Variants in CHLSN observed in about 807,000 individuals in gnomAD.
The protein encoded by CHLSN is protein cholesin.
the CHLSN span, among the ~76,000 whole-genome samples, chr7:1,101,937 G>A: frequency 6.6e-6 from 1 of 152,264 alleles, no homozygotes; most frequent in Admixed American, 6.5e-5. Context: ...TCAAGAGGCA[G>A]CGGCCAGGCC....
chr7:1,012,110 T>C, the CHLSN span, among the ~76,000 whole-genome samples: 1 of 152,240 alleles, frequency 6.6e-6, no homozygotes, highest in Non-Finnish European at 1.5e-5. Flanking sequence ...AAAACCCTCC[T>C]GGCACAGGCC....
chr7:1,087,889 A>G, the CHLSN span, among the ~76,000 whole-genome samples: 1 of 152,270 alleles, frequency 6.6e-6, no homozygotes, highest in Non-Finnish European at 1.5e-5. Context: ...AAACTTAAAG[A>G]AAGGTTTGTA....
chr7:1,054,645 T>C, the CHLSN span, among the ~76,000 whole-genome samples: 1 of 152,118 alleles, frequency 6.6e-6, no homozygotes, highest in Non-Finnish European at 1.5e-5. Flanking sequence ...GCATTAGCAG[T>C]CCAGGCAGCT....
At chr7:1,007,973 TC>T in the CHLSN span, among the ~76,000 whole-genome samples, 6 of 152,140 alleles carry the variant, frequency 3.9e-5, no homozygotes, top group African/African-American at 1.4e-4. Context: ...CCTGCCCACG[TC>T]CCCAACGTCC....
At chr7:1,015,720 G>A in the CHLSN span, among the ~76,000 whole-genome samples, 3 of 152,180 alleles carry the variant, frequency 2.0e-5, no homozygotes, top group Non-Finnish European at 4.4e-5. Flanking sequence ...CTGAAGCTGC[G>A]GCCTGTGGGC....
chr7:1,002,832 G>A, the CHLSN span, among the ~76,000 whole-genome samples: 1 of 91,614 alleles, frequency 1.1e-5, no homozygotes, highest in African/African-American at 4.5e-5. Context: ...GTGGGTGAGT[G>A]GAGTCCTGCG....
the CHLSN span, among the ~76,000 whole-genome samples, chr7:1,102,606 C>T: frequency 1.3e-3 from 191 of 151,670 alleles, no homozygotes; most frequent in African/African-American, 4.4e-3. Context: ...CAGGAGCGGA[C>T]GTTTATTAAA....
the CHLSN span, chr7:987,597 C>A: frequency 1.4e-6 from 2 of 1,395,890 alleles, no homozygotes; most frequent in Non-Finnish European, 9.5e-7. Flanking sequence ...GGTCCAGGGG[C>A]ACTGGGACGG....
At chr7:1,084,731 C>A in the CHLSN span, among the ~76,000 whole-genome samples, 20 of 152,346 alleles carry the variant, frequency 1.3e-4, no homozygotes, top group African/African-American at 4.8e-4. Flanking sequence ...GGCACTGAGG[C>A]TCAGGAAGGT....
At chr7:1,072,932 G>T in the CHLSN span, among the ~76,000 whole-genome samples, 5 of 152,096 alleles carry the variant, frequency 3.3e-5, no homozygotes, top group African/African-American at 1.2e-4. Context: ...GAGCCACCGC[G>T]CCTGGCCTGG....
the CHLSN span, chr7:987,175 C>A: frequency 4.5e-6 from 7 of 1,566,292 alleles, no homozygotes; most frequent in Non-Finnish European, 6.1e-6. Context: ...TGGTCATGGC[C>A]GGGACGGAGA....
chr7:993,367 C>T, the CHLSN span, among the ~76,000 whole-genome samples: 3 of 152,110 alleles, frequency 2.0e-5, no homozygotes, highest in Non-Finnish European at 4.4e-5. Flanking sequence ...TGTGCAGGGA[C>T]AGGCAGGGAC....
the CHLSN span, among the ~76,000 whole-genome samples, chr7:1,124,019 G>GA: frequency 6.6e-6 from 1 of 152,216 alleles, no homozygotes; most frequent in Admixed American, 6.5e-5. Context: ...AAAGCCAAGT[G>GA]AAAGCTGGTG....
the CHLSN span, among the ~76,000 whole-genome samples, chr7:1,136,932 C>A: frequency 6.6e-6 from 1 of 152,102 alleles, no homozygotes; most frequent in Non-Finnish European, 1.5e-5. Context: ...CTGAAATACA[C>A]CCAGAATGTG....
At chr7:1,025,827 G>C in the CHLSN span, 1 of 152,336 alleles carries the variant, frequency 6.6e-6, no homozygotes, top group Non-Finnish European at 1.5e-5. Flanking sequence ...TGGGCCTCCA[G>C]AGGCAGGCTG....
chr7:1,104,601 C>T, the CHLSN span, among the ~76,000 whole-genome samples: 24 of 152,308 alleles, frequency 1.6e-4, no homozygotes, highest in East Asian at 2.1e-3. Context: ...AAGGCCACCC[C>T]GTGCCACTCA....
chr7:979,872 G>C, the CHLSN span, among the ~76,000 whole-genome samples: 1 of 152,148 alleles, frequency 6.6e-6, no homozygotes, highest in African/African-American at 2.4e-5. Context: ...CAGTTGCAAG[G>C]ATGCCTTAAA....
At chr7:1,110,899 G>A in the CHLSN span, among the ~76,000 whole-genome samples, 4 of 151,642 alleles carry the variant, frequency 2.6e-5, no homozygotes, top group Non-Finnish European at 4.4e-5. Flanking sequence ...ACCATCAACC[G>A]TAATCTTAGA....
At chr7:1,133,760 A>AAC in the CHLSN span, among the ~76,000 whole-genome samples, 1 of 151,750 alleles carries the variant, frequency 6.6e-6, no homozygotes, top group Admixed American at 6.6e-5. Flanking sequence ...TCAAAAAAAA[A>AAC]AAAAAACACC....
Sources: gnomAD v4.1 joint callset for allele counts (sites outside exome capture counted in the v4.1 genomes callset) on GRCh38, gnomAD v4.1.1 for gene constraint, MANE v1.5 for transcripts, NCBI Gene and HGNC (gene_info 2026-07-23, HGNC 2026-07-21) for gene names.